The following MLXIPL variants were observed in gnomAD, a reference collection of about 807,000 sequenced individuals.
MLXIPL encodes MLX interacting protein like.
A neutral mutation model predicts 81.5 loss-of-function variants in MLXIPL; 49 were observed. That is an observed-to-expected ratio of 0.60 (90% CI 0.48 to 0.76). MLXIPL has a LOEUF of 0.76. Among genes scored for constraint, MLXIPL ranks in the 30% least tolerant of loss-of-function variants. The pLI, the probability that MLXIPL is intolerant of heterozygous loss-of-function variation, is 0.00. For missense variants in MLXIPL, 1,053 were observed against 1,167.0 expected (o/e 0.90, Z 1.42); for synonymous variants, 466 against 485.5 (o/e 0.96, Z 0.53).
intron 2 of MLXIPL, among the ~76,000 whole-genome samples, chr7:73,615,684 G>T (rs1795965560): frequency 6.6e-6 from 1 of 152,144 alleles, no homozygotes; most frequent in African/African-American, 2.4e-5. Flanking sequence ...GGAGGCCAAG[G>T]TGGGCAGATC....
chr7:73,627,219 C>T (rs546291087), upstream of MLXIPL, among the ~76,000 whole-genome samples: 1 of 151,482 alleles, frequency 6.6e-6, no homozygotes, highest in East Asian at 1.9e-4. Flanking sequence ...GGGCTCTGCC[C>T]TGCTTCAGAG....
At chr7:73,638,947 T>C in the MLXIPL span, among the ~76,000 whole-genome samples, 1 of 151,952 alleles carries the variant, frequency 6.6e-6, no homozygotes, top group Non-Finnish European at 1.5e-5. Context: ...ACCCAGTACT[T>C]TTTGACTAGA....
the MLXIPL span, among the ~76,000 whole-genome samples, chr7:73,630,147 G>A: frequency 1.8e-4 from 28 of 151,846 alleles, no homozygotes; most frequent in South Asian, 2.7e-3. Context: ...ACAGGCGCCC[G>A]CCACCACTCC....
Position 73,593,801 on chromosome 7 carries a change from G to T in MLXIPL, c.*64C>A. ...AAGGGAGTGCCCAGAGATGATCCCT[G>T]GAGCCCGTGCCCAGGGAAAGCAGCC... On this transcript the variant is annotated 3_prime_UTR_variant, in exon 17 of 17. Transcript: ENST00000313375. 2.2e-6 allele frequency: 3 copies of T among 1,380,888 alleles called. No individual in the cohort carries two copies. The highest frequency in any genetic ancestry group is 3.1e-6 in the Non-Finnish European group (3 of 968,646). 85.5% of individuals were successfully genotyped at this position (1,380,888 alleles called of 1,614,324 possible).
Position 73,595,949 on chromosome 7 carries a change from C to T in MLXIPL, c.2079G>A (p.Leu693=). ...PSLKVSKATT[L]QKTAEYILML... ...TAAGGATGTACTCAGCTGTCTTCTGCAGCGTGGTAGCTTTGCTCACCTGCA... is the reference window on the plus strand; with the variant it reads ...TAAGGATGTACTCAGCTGTCTTCTGTAGCGTGGTAGCTTTGCTCACCTGCA... Residue 693 remains leucine (L), a synonymous_variant, in exon 14 of 17, where the codon CTG becomes CTA. Transcript: ENST00000313375. 1 of 1,613,090 alleles carries T rather than the reference C, an allele frequency of 6.2e-7. No individual in the cohort carries two copies. The highest frequency in any genetic ancestry group is 8.5e-7 in the Non-Finnish European group (1 of 1,180,020).
chr7:73,595,996 G>A (rs782805389), intron 13 of MLXIPL, 27 bp from the exon 14 acceptor site: 9 of 1,611,218 alleles, frequency 5.6e-6, no homozygotes, highest in South Asian at 1.1e-5. Flanking sequence ...GGGGGCTCAG[G>A]CAGGTGCTAG....
Position 73,616,061 on chromosome 7 carries a change from A to AGCCACTCACACTG in MLXIPL, c.397_400+9dup. 1 of 1,609,712 alleles carries AGCCACTCACACTG rather than the reference A, an allele frequency of 6.2e-7. No individual in the cohort carries two copies. The highest frequency in any genetic ancestry group is 1.7e-5 in the Admixed American group (1 of 59,970). Reference sequence around the variant, plus strand: ...CCTCCCGGCTTGGGAGGCTGGTGGTAGCCACTCACACTGGATATACCAGGC... The same window carrying AGCCACTCACACTG: ...CCTCCCGGCTTGGGAGGCTGGTGGTAGCCACTCACACTGGCCACTCACACTGGATATACCAGGC... On this transcript the variant is annotated intron_variant, in intron 2 of 16. Coordinates refer to ENST00000313375, the MANE Select transcript of MLXIPL (RefSeq NM_032951.3).
At chr7:73,602,331 C>T (rs1190097893) in intron 7 of MLXIPL, among the ~76,000 whole-genome samples, 1 of 151,080 alleles carries the variant, frequency 6.6e-6, no homozygotes, top group Non-Finnish European at 1.5e-5. Flanking sequence ...CTTGCCTCAG[C>T]CTCCTGAGTA....
chr7:73,635,120 C>T, the MLXIPL span, among the ~76,000 whole-genome samples: 1 of 152,164 alleles, frequency 6.6e-6, no homozygotes, highest in Admixed American at 6.6e-5. Context: ...GCCACTGTGC[C>T]TGGCCTATAT....
At chr7:73,609,097 C>T (rs1795517115) in intron 2 of MLXIPL, among the ~76,000 whole-genome samples, 1 of 152,102 alleles carries the variant, frequency 6.6e-6, no homozygotes, top group African/African-American at 2.4e-5. Context: ...GCGTGAGCCA[C>T]TGTGCCTGGC....
rs144259662 is a variant in MLXIPL at position 73,611,672 on chromosome 7, C to G, written c.401-4000G>C. On this transcript the variant is annotated intron_variant, in intron 2 of 16. Transcript: ENST00000313375. ...CTCTACTAAAAATACAGAAATTAGC[C>G]AGGCGTGGTGGCGCATGCCTGTAAT... Among the ~76,000 whole-genome samples the G allele has an allele frequency of 6.8e-4, 103 of 152,130 alleles. 2 individuals are homozygous for G. Among genetic ancestry groups the G allele is most frequent in the African/African-American group, 2.3e-3 (96 of 41,504 alleles).
chr7:73,644,861 T>C, the MLXIPL span, among the ~76,000 whole-genome samples: 1 of 152,124 alleles, frequency 6.6e-6, no homozygotes, highest in Non-Finnish European at 1.5e-5. Context: ...ACTGGCCCCA[T>C]GCCGGCCCCA....
Position 73,596,865 on chromosome 7 carries a change from C to A in MLXIPL, c.1671G>T (p.Pro557=). ...CACCGCCCAGTGCCCGAGATCTTAC[C>A]GGGGACCCTGGGGACCGGAGGAGGG... is the stretch of plus-strand genomic sequence containing the variant. ...SSTLLRSPGS[P]QETVPEFPCT... is the part of the protein sequence containing the mutation. The change falls in exon 10 of 17, where the codon CCG becomes CCT. Residue 557 remains proline (P), a splice_region_variant and synonymous_variant. Coordinates refer to ENST00000313375, the MANE Select transcript of MLXIPL (RefSeq NM_032951.3). This position sits in a 1 kb window ranked among gnomAD's most constrained non-coding sequence, Gnocchi z 4.7. 1.2e-6 allele frequency: 2 copies of A among 1,611,352 alleles called. No homozygotes were observed. The highest frequency in any genetic ancestry group is 1.7e-6 in the Non-Finnish European group (2 of 1,179,500).
At chr7:73,595,406 CA>C (rs1563472837) in intron 15 of MLXIPL, among the ~76,000 whole-genome samples, 1 of 152,188 alleles carries the variant, frequency 6.6e-6, no homozygotes, top group Non-Finnish European at 1.5e-5. Flanking sequence ...TCCCCTTACC[CA>C]AGGACTCCTC....
At position 73,612,746 on chromosome 7, in the gene MLXIPL, G is replaced by A. The variant is rs564078565; in HGVS notation, c.400+3325C>T. On this transcript the variant is annotated intron_variant, in intron 2 of 16. Coordinates refer to ENST00000313375, the MANE Select transcript of MLXIPL (RefSeq NM_032951.3). Reference sequence around the variant, plus strand: ...CCCATCCTCTGGACTGTTTCTCATGGAAAGGCTGTAACCATGTGGCTTCCT... The same window carrying A: ...CCCATCCTCTGGACTGTTTCTCATGAAAAGGCTGTAACCATGTGGCTTCCT... 1.1e-4 allele frequency among the ~76,000 whole-genome samples: 16 copies of A among 152,098 alleles called. No individual in the cohort carries two copies. The South Asian group carries it at 3.1e-3, about 30-fold the overall frequency.
Position 73,597,189 on chromosome 7 carries a change from G to T in MLXIPL, c.1596C>A (p.Leu532=). ...GSNNPCLTQL[L]TAAKPEQALE... is the part of the protein sequence containing the mutation. ...CCCGTTGCTGGCCCTCACCTGCTGT[G>T]AGCAGCTGTGTGAGGCAGGGGTTGT... Residue 532 remains leucine, a synonymous_variant, in exon 9 of 17, where the codon CTC becomes CTA. Transcript: ENST00000313375. 6.2e-7 allele frequency: 1 copy of T among 1,603,752 alleles called. No homozygotes were observed.
At chr7:73,638,394 T>C in the MLXIPL span, among the ~76,000 whole-genome samples, 1 of 152,220 alleles carries the variant, frequency 6.6e-6, no homozygotes, top group African/African-American at 2.4e-5. Flanking sequence ...AACCTCCACC[T>C]CCCAGGTTCA....
upstream of MLXIPL, among the ~76,000 whole-genome samples, chr7:73,627,619 A>G (rs1250244723): frequency 1.3e-5 from 2 of 151,864 alleles, no homozygotes; most frequent in Admixed American, 1.3e-4. Flanking sequence ...TTACCCCTAT[A>G]TGCCTGTCTG....
At chr7:73,602,130 G>GCCTTCCTTCCTTCCTTCCTTCCGT (rs1794903133) in intron 7 of MLXIPL, among the ~76,000 whole-genome samples, 1 of 80,508 alleles carries the variant, frequency 1.2e-5, no homozygotes, top group Non-Finnish European at 2.4e-5. Context: ...CTGCCTGCCT[G>GCCTTCCTTCCTTCCTTCCTTCCGT]CCTTCCTTCC....
Sources: gnomAD v4.1 joint callset for allele counts (sites outside exome capture counted in the v4.1 genomes callset) on GRCh38, gnomAD v4.1.1 for gene constraint, Gnocchi (gnomAD v3.1) non-coding constraint, MANE v1.5 for transcripts, NCBI Gene and HGNC (gene_info 2026-07-23, HGNC 2026-07-21) for gene names.